The following CNTNAP2 variants were observed in gnomAD, a reference collection of about 807,000 sequenced individuals.
CNTNAP2 encodes the protein contactin-associated protein-like 2.
A neutral mutation model predicts 155.2 loss-of-function variants in CNTNAP2; 98 were observed. That is an observed-to-expected ratio of 0.63 (90% CI 0.54 to 0.75). CNTNAP2 has a LOEUF of 0.75. CNTNAP2 is among the 30% of genes least tolerant of loss of function. The pLI is 0.00. For missense variants in CNTNAP2, 1,727 were observed against 1,688.1 expected (o/e 1.02, Z -0.40); for synonymous variants, 651 against 631.2 (o/e 1.03, Z -0.47).
chr7:148,069,734 T>A (rs575295273), intron 15 of CNTNAP2, among the ~76,000 whole-genome samples: 1 of 137,216 alleles, frequency 7.3e-6, no homozygotes, highest in Non-Finnish European at 1.5e-5. Context: ...CACTCCAGCC[T>A]GGGTGACAGA....
At chr7:148,015,082 G>A (rs1277661617) in intron 15 of CNTNAP2, among the ~76,000 whole-genome samples, 1 of 152,118 alleles carries the variant, frequency 6.6e-6, no homozygotes, top group African/African-American at 2.4e-5. Context: ...TGTTTTTCCT[G>A]AGGGTAAACA....
intron 11 of CNTNAP2, among the ~76,000 whole-genome samples, chr7:147,513,490 G>T (rs753510791): frequency 6.6e-6 from 1 of 152,094 alleles, no homozygotes. Context: ...TACTCACCTC[G>T]CTGGGGATTG....
At chr7:147,647,175 T>C (rs1268184106) in intron 13 of CNTNAP2, among the ~76,000 whole-genome samples, 1 of 151,476 alleles carries the variant, frequency 6.6e-6, no homozygotes, top group East Asian at 1.9e-4. Context: ...TTTTTTTTTG[T>C]ATTTTAGTAG....
intron 12 of CNTNAP2, among the ~76,000 whole-genome samples, chr7:147,580,148 C>CT (rs2116824890): frequency 6.7e-6 from 1 of 149,230 alleles, no homozygotes; most frequent in African/African-American, 2.6e-5. Flanking sequence ...AGACAGTCTC[C>CT]TTTTTCTGTC....
chr7:147,475,966 A>T (rs1318793781), intron 10 of CNTNAP2, among the ~76,000 whole-genome samples: 1 of 152,144 alleles, frequency 6.6e-6, no homozygotes, highest in Non-Finnish European at 1.5e-5. Context: ...ATCTATCTAT[A>T]TTTTAATACA....
chr7:147,477,573 G>A (rs1028294565), intron 10 of CNTNAP2, among the ~76,000 whole-genome samples: 5 of 152,086 alleles, frequency 3.3e-5, no homozygotes, highest in African/African-American at 1.2e-4. Context: ...TAGTTATCAA[G>A]TAAGTTCATT....
At position 146,714,952 on chromosome 7, in the gene CNTNAP2, T is replaced by C. The variant is rs1318264221; in HGVS notation, c.98-59319T>C. Among the ~76,000 whole-genome samples the C allele has an allele frequency of 6.6e-5, 10 of 152,200 alleles. No individual in the cohort carries two copies. In the East Asian group the frequency reaches 1.2e-3, roughly 18 times the overall value. On this transcript the variant is annotated intron_variant, in intron 1 of 23. Coordinates refer to ENST00000361727, the MANE Select transcript of CNTNAP2 (RefSeq NM_014141.6). Reference sequence around the variant, plus strand: ...AGTTTTTTCATCTGCAAAACAGGATTGAATAACACTCTTACCTACTCAGGT... The same window carrying C: ...AGTTTTTTCATCTGCAAAACAGGATCGAATAACACTCTTACCTACTCAGGT...
intron 1 of CNTNAP2, among the ~76,000 whole-genome samples, chr7:146,200,433 G>C (rs945527677): frequency 6.6e-6 from 1 of 151,932 alleles, no homozygotes; most frequent in African/African-American, 2.4e-5. Context: ...GGCGGAGGTT[G>C]CAGTGAGCTG....
At chr7:146,833,113 C>T (rs562278811) in intron 2 of CNTNAP2, among the ~76,000 whole-genome samples, 99 of 152,216 alleles carry the variant, frequency 6.5e-4, no homozygotes, top group Middle Eastern at 6.8e-3. Context: ...CTTTTAGTAT[C>T]CATCTATAAA....
chr7:146,658,976 C>T (rs1176507895), intron 1 of CNTNAP2, among the ~76,000 whole-genome samples: 1 of 152,170 alleles, frequency 6.6e-6, no homozygotes, highest in East Asian at 1.9e-4. Context: ...GCAGCCACCT[C>T]CCCTGCAGCT....
At chr7:147,806,490 C>G (rs1197553004) in intron 13 of CNTNAP2, among the ~76,000 whole-genome samples, 1 of 152,108 alleles carries the variant, frequency 6.6e-6, no homozygotes, top group Admixed American at 6.6e-5. Context: ...AGTAATCCCA[C>G]TGCTGAATAT....
intron 12 of CNTNAP2, among the ~76,000 whole-genome samples, chr7:147,569,072 A>G (rs989841109): frequency 6.6e-6 from 1 of 152,162 alleles, no homozygotes; most frequent in Non-Finnish European, 1.5e-5. Context: ...GTTTTATCAA[A>G]AAGCCATTAA....
intron 3 of CNTNAP2, among the ~76,000 whole-genome samples, chr7:146,950,743 G>A (rs1355826104): frequency 1.3e-5 from 2 of 152,100 alleles, no homozygotes; most frequent in Non-Finnish European, 2.9e-5. Flanking sequence ...GGATAGTGCT[G>A]CAATAAACAG....
chr7:148,171,908 T>G (rs1805801346), intron 17 of CNTNAP2, among the ~76,000 whole-genome samples: 1 of 152,256 alleles, frequency 6.6e-6, no homozygotes, highest in South Asian at 2.1e-4. Flanking sequence ...GTTGTGAGAT[T>G]AAAGAGCAAA....
At chr7:147,438,699 G>C (rs1004843423) in intron 10 of CNTNAP2, among the ~76,000 whole-genome samples, 3 of 151,916 alleles carry the variant, frequency 2.0e-5, no homozygotes, top group African/African-American at 7.2e-5. Context: ...GTAGAATTCA[G>C]CAGTGAAGCC....
intron 1 of CNTNAP2, among the ~76,000 whole-genome samples, chr7:146,380,899 C>G (rs906472798): frequency 6.8e-6 from 1 of 146,546 alleles, no homozygotes; most frequent in African/African-American, 2.6e-5. Flanking sequence ...CTGGGGTTCA[C>G]GCCATTCTCC....
chr7:148,407,703 T>TAAA (rs57666141), intron 22 of CNTNAP2, among the ~76,000 whole-genome samples: 2,018 of 92,806 alleles, frequency 0.022, 68 homozygotes, highest in African/African-American at 0.03. Flanking sequence ...GACCAAATCT[T>TAAA]AAAAAAAAAA....
chr7:146,722,283 T>C (rs1801351908), intron 1 of CNTNAP2, among the ~76,000 whole-genome samples: 1 of 152,076 alleles, frequency 6.6e-6, no homozygotes, highest in South Asian at 2.1e-4. Context: ...CTGAACCCTG[T>C]ATTGGGTGAC....
At chr7:147,802,023 G>T (rs947451665) in intron 13 of CNTNAP2, among the ~76,000 whole-genome samples, 17 of 150,608 alleles carry the variant, frequency 1.1e-4, no homozygotes, top group Non-Finnish European at 1.9e-4. Context: ...CCCGGACAGG[G>T]TGGCTGCCGG....
Sources: gnomAD v4.1 joint callset for allele counts (sites outside exome capture counted in the v4.1 genomes callset) on GRCh38, gnomAD v4.1.1 for gene constraint, MANE v1.5 for transcripts, NCBI Gene and HGNC (gene_info 2026-07-23, HGNC 2026-07-21) for gene names.